The following ARID5B variants were observed in gnomAD, a reference collection of about 807,000 sequenced individuals.
The protein encoded by ARID5B is AT-rich interaction domain 5B.
In ARID5B, 13 loss-of-function variants were observed where a neutral mutation model predicts 97.2. The ratio of observed to expected loss-of-function variants is 0.13; its 90% CI spans 0.09 to 0.21. The LOEUF (loss-of-function observed/expected upper bound fraction) is 0.21. ARID5B is among the 10% of genes least tolerant of loss of function. The pLI, the probability that ARID5B is intolerant of heterozygous loss-of-function variation, is 1.00. For missense variants in ARID5B, 1,210 were observed against 1,465.3 expected, an observed-to-expected ratio of 0.83 and a Z score of 2.84; for synonymous variants, 556 against 570.3, an observed-to-expected ratio of 0.97 and a Z score of 0.36.
intron 3 of ARID5B, among the ~76,000 whole-genome samples, chr10:61,991,378 T>C (rs549039449): frequency 6.6e-6 from 1 of 152,198 alleles, no homozygotes; most frequent in Non-Finnish European, 1.5e-5. Context: ...TTTTCATTTT[T>C]ATAATAGTCA....
rs370378931 is a variant in ARID5B, at chr10:62,048,214, A to G, written c.734-2674A>G. On this transcript the variant is annotated intron_variant, in intron 4 of 9. Coordinates refer to ENST00000279873, the MANE Select transcript of ARID5B (RefSeq NM_032199.3). ...ACAGTATGTGGGCATCTTTATTTCCATTAGTCACTTTTTCATTCAACAAAT... is the reference window on the plus strand; with the variant it reads ...ACAGTATGTGGGCATCTTTATTTCCGTTAGTCACTTTTTCATTCAACAAAT... 2.1e-4 allele frequency among the ~76,000 whole-genome samples: 32 copies of G among 152,336 alleles called. No homozygotes were observed. In the South Asian group the frequency reaches 6.6e-3, roughly 32 times the overall value.
chr10:62,024,453 G>A (rs1362078575), intron 4 of ARID5B, among the ~76,000 whole-genome samples: 1 of 152,134 alleles, frequency 6.6e-6, no homozygotes, highest in Non-Finnish European at 1.5e-5. Flanking sequence ...GAGTGGAAGG[G>A]AACCTTTCTG....
At chr10:62,013,266 C>T (rs942903567) in intron 4 of ARID5B, among the ~76,000 whole-genome samples, 2 of 152,164 alleles carry the variant, frequency 1.3e-5, no homozygotes, top group Non-Finnish European at 2.9e-5. Context: ...TTCTTGGGGT[C>T]TGCCTCAGAC....
At chr10:62,060,609 T>C (rs1041051759) in intron 7 of ARID5B, among the ~76,000 whole-genome samples, 2 of 152,164 alleles carry the variant, frequency 1.3e-5, no homozygotes, top group African/African-American at 2.4e-5. Flanking sequence ...TCATAGTTTA[T>C]GGCAAAATCT....
At chr10:61,961,431 C>A (rs1002249471) in intron 3 of ARID5B, among the ~76,000 whole-genome samples, 7 of 152,154 alleles carry the variant, frequency 4.6e-5, no homozygotes, top group African/African-American at 1.7e-4. Context: ...AGCTTTGAGA[C>A]CTTCTGAGAC....
chr10:62,025,414 C>CGG (rs1474238182), intron 4 of ARID5B: 2 of 152,048 alleles, frequency 1.3e-5, no homozygotes, highest in African/African-American at 4.8e-5. Context: ...AGTTTGGAGA[C>CGG]GGGGAGATGT....
chr10:61,955,189 G>C (rs1475205344), intron 3 of ARID5B, among the ~76,000 whole-genome samples: 1 of 152,142 alleles, frequency 6.6e-6, no homozygotes, highest in East Asian at 1.9e-4. Context: ...TGTTCAGTGT[G>C]GGGTACATAG....
rs546186723 is a variant in ARID5B at position 61,937,861 on chromosome 10, T to C, written c.277-2322T>C. On this transcript the variant is annotated intron_variant, in intron 2 of 9. Transcript: ENST00000279873. Reference sequence around the variant, plus strand: ...TTTCTATATATATGTTGGCTACTTTTTGTTTTCTTGTGGTGGGAGGGGGGT... The same window carrying C: ...TTTCTATATATATGTTGGCTACTTTCTGTTTTCTTGTGGTGGGAGGGGGGT... Among the ~76,000 whole-genome samples the C allele has an allele frequency of 1.1e-4, 16 of 152,294 alleles. No individual in the cohort carries two copies. The South Asian group carries it at 3.3e-3, about 32-fold the overall frequency.
chr10:61,942,318 G>A (rs1446314915), intron 3 of ARID5B, among the ~76,000 whole-genome samples: 1 of 152,172 alleles, frequency 6.6e-6, no homozygotes, highest in African/African-American at 2.4e-5. Flanking sequence ...TTGGTTTATA[G>A]TGAATATTCA....
intron 4 of ARID5B, among the ~76,000 whole-genome samples, chr10:62,007,735 A>C (rs1004585572): frequency 6.6e-6 from 1 of 152,216 alleles, no homozygotes; most frequent in Non-Finnish European, 1.5e-5. Context: ...ACTGCTGGGG[A>C]AAATGAAGTA....
At chr10:62,001,983 G>A (rs1839085709) in intron 4 of ARID5B, among the ~76,000 whole-genome samples, 1 of 152,062 alleles carries the variant, frequency 6.6e-6, no homozygotes, top group Non-Finnish European at 1.5e-5. Flanking sequence ...ACCTGTGTTT[G>A]AGTTTTTCTT....
At chr10:61,978,305 C>T (rs1178685058) in intron 3 of ARID5B, among the ~76,000 whole-genome samples, 1 of 152,170 alleles carries the variant, frequency 6.6e-6, no homozygotes, top group Admixed American at 6.5e-5. Context: ...ATGCCTCCAG[C>T]TTTGTTCTTT....
chr10:62,054,393 G>GAA (rs879929402), intron 5 of ARID5B, among the ~76,000 whole-genome samples: 4 of 146,916 alleles, frequency 2.7e-5, no homozygotes, highest in African/African-American at 7.4e-5. Context: ...TATCTTAACT[G>GAA]AAAAAAAAAA....
intron 5 of ARID5B, among the ~76,000 whole-genome samples, chr10:62,051,677 G>A (rs914984814): frequency 2.6e-5 from 4 of 152,158 alleles, no homozygotes; most frequent in African/African-American, 4.8e-5. Context: ...TATTTTGCAC[G>A]ACAAAGGGTA....
At chr10:62,038,541 T>TA (rs939473767) in intron 4 of ARID5B, among the ~76,000 whole-genome samples, 9 of 152,178 alleles carry the variant, frequency 5.9e-5, no homozygotes, top group African/African-American at 1.9e-4. Context: ...CTAAATCTCA[T>TA]AAAAATCAAT....
intron 9 of ARID5B, among the ~76,000 whole-genome samples, chr10:62,089,207 G>T (rs192636463): frequency 6.6e-6 from 1 of 152,074 alleles, no homozygotes; most frequent in Non-Finnish European, 1.5e-5. Context: ...GATTATTAAT[G>T]TAGAAGAAGT....
chr10:61,943,472 C>CG (rs1844448471), intron 3 of ARID5B, among the ~76,000 whole-genome samples: 1 of 147,154 alleles, frequency 6.8e-6, no homozygotes, highest in African/African-American at 2.5e-5. Flanking sequence ...TATTTGAGGC[C>CG]CCCCCCCTTT....
At chr10:61,975,920 T>C (rs1393949734) in intron 3 of ARID5B, among the ~76,000 whole-genome samples, 2 of 152,252 alleles carry the variant, frequency 1.3e-5, no homozygotes, top group African/African-American at 4.8e-5. Context: ...TATTACTTCT[T>C]CCTTGTCTAA....
chr10:61,964,707 G>A (rs1443498089), intron 3 of ARID5B, among the ~76,000 whole-genome samples: 5 of 152,202 alleles, frequency 3.3e-5, no homozygotes, highest in Non-Finnish European at 5.9e-5. Context: ...ATATTAATTT[G>A]TGAGGCAATG....
Sources: gnomAD v4.1 joint callset for allele counts (sites outside exome capture counted in the v4.1 genomes callset) on GRCh38, gnomAD v4.1.1 for gene constraint, MANE v1.5 for transcripts, NCBI Gene and HGNC (gene_info 2026-07-23, HGNC 2026-07-21) for gene names.